HOXD3: variants seen among roughly 807,000 people sequenced by gnomAD.
The protein encoded by HOXD3 is homeobox protein Hox-D3.
HOXD3 carries 13 observed loss-of-function variants against 32.8 expected under a neutral mutation model. The observed-to-expected ratio is 0.40, with a 90% CI of 0.26 to 0.63. The LOEUF is 0.63. Among genes scored for constraint, HOXD3 ranks in the 20% least tolerant of loss-of-function variants. HOXD3 has a pLI of 0.44. For missense variants in HOXD3, 504 were observed against 577.1 expected (o/e 0.87, Z 1.30); for synonymous variants, 241 against 246.8 (o/e 0.98, Z 0.22).
upstream of HOXD3, chr2:176,153,134 G>A: frequency 2.7e-6 from 1 of 368,522 alleles, no homozygotes; most frequent in African/African-American, 2.1e-5. Flanking sequence ...ATGGGGATGG[G>A]AGGGGGGGCG....
At chr2:176,167,686 CTTTTTTTTTTTTT>C (rs56761217) in intron 2 of HOXD3, among the ~76,000 whole-genome samples, 5 of 108,896 alleles carry the variant, frequency 4.6e-5, no homozygotes, top group Non-Finnish European at 7.3e-5. Flanking sequence ...GGGGGAGACC[CTTTTTTTTTTTTT>C]TTTTTTTTTT....
chr2:176,166,574 C>T (rs1237215972), intron 2 of HOXD3, among the ~76,000 whole-genome samples: 1 of 152,218 alleles, frequency 6.6e-6, no homozygotes, highest in Non-Finnish European at 1.5e-5. Flanking sequence ...AGAATGAAGA[C>T]TTAGCTGTCC....
intron 1 of HOXD3, among the ~76,000 whole-genome samples, chr2:176,157,663 T>C (rs889136442): frequency 1.3e-5 from 2 of 152,102 alleles, no homozygotes; most frequent in African/African-American, 4.8e-5. Context: ...TGTGTGTGCG[T>C]GCGTCCGCGC....
intron 2 of HOXD3, among the ~76,000 whole-genome samples, chr2:176,167,871 G>A (rs1253703470): frequency 6.6e-6 from 1 of 152,060 alleles, no homozygotes; most frequent in Non-Finnish European, 1.5e-5. Flanking sequence ...TGGATGTTAG[G>A]AACAGTAGAC....
intron 1 of HOXD3, among the ~76,000 whole-genome samples, chr2:176,160,215 A>C (rs917601117): frequency 6.6e-6 from 1 of 151,742 alleles, no homozygotes; most frequent in African/African-American, 2.4e-5. Context: ...GCTGCGGAGT[A>C]CTCCGCGGGC....
chr2:176,159,461 A>G (rs900925855), intron 1 of HOXD3, among the ~76,000 whole-genome samples: 10 of 152,202 alleles, frequency 6.6e-5, no homozygotes, highest in African/African-American at 2.2e-4. Flanking sequence ...AGACCCTGCA[A>G]TCAGCAACAG....
chr2:176,168,273 A>AAAC (rs1553522191), intron 2 of HOXD3, among the ~76,000 whole-genome samples: 4 of 146,052 alleles, frequency 2.7e-5, no homozygotes, highest in African/African-American at 5.5e-5. Context: ...AAAAAAAAAA[A>AAAC]AAAAAAACTA....
chr2:176,161,868 A>G lies in HOXD3; in HGVS notation c.-180-2205A>G, dbSNP rs151261304. ...AATCATATATTGGTTCACGAATCCC[A>G]TCTCTCCTTTTGTTTACTTGCTCCC... On this transcript the variant is annotated intron_variant, in intron 1 of 3. Coordinates refer to ENST00000683222, the MANE Select transcript of HOXD3 (RefSeq NM_006898.5). Among the ~76,000 whole-genome samples, 10 of 152,308 alleles carry G rather than the reference A, an allele frequency of 6.6e-5. No homozygotes were observed. The East Asian group carries it at 1.9e-3, about 29-fold the overall frequency.
intron 1 of HOXD3, among the ~76,000 whole-genome samples, chr2:176,159,630 G>T (rs1014412542): frequency 6.6e-6 from 1 of 152,252 alleles, no homozygotes; most frequent in Admixed American, 6.5e-5. Context: ...TCCGCTGCTG[G>T]CGCTGGCACG....
chr2:176,163,855 C>T (rs925441525), intron 1 of HOXD3, among the ~76,000 whole-genome samples: 2 of 152,168 alleles, frequency 1.3e-5, no homozygotes, highest in East Asian at 1.9e-4. Context: ...CTCTCCCCTC[C>T]CCCATCCAGC....
chr2:176,162,863 AAAAT>A (rs1320594897), intron 1 of HOXD3, among the ~76,000 whole-genome samples: 2 of 152,186 alleles, frequency 1.3e-5, no homozygotes, highest in East Asian at 3.9e-4. Flanking sequence ...CTCTTTTTTA[AAAAT>A]AAATAAATAA....
At chr2:176,163,403 G>A (rs767169860) in intron 1 of HOXD3, among the ~76,000 whole-genome samples, 1 of 151,810 alleles carries the variant, frequency 6.6e-6, no homozygotes, top group Non-Finnish European at 1.5e-5. Flanking sequence ...GTGGCTTTGG[G>A]TGGGGGTGGA....
chr2:176,155,064 A>G (rs183916531), upstream of HOXD3, among the ~76,000 whole-genome samples: 15 of 151,994 alleles, frequency 9.9e-5, no homozygotes, highest in East Asian at 2.7e-3. Flanking sequence ...GACTCTAACT[A>G]CCCTTCTCTT....
At chr2:176,157,976 A>C (rs968386233) in intron 1 of HOXD3, among the ~76,000 whole-genome samples, 1 of 152,138 alleles carries the variant, frequency 6.6e-6, no homozygotes, top group African/African-American at 2.4e-5. Context: ...GAGGGTCGTA[A>C]ATTTTTCTTT....
upstream of HOXD3, chr2:176,152,950 G>A: frequency 6.2e-7 from 1 of 1,613,456 alleles, no homozygotes; most frequent in South Asian, 1.1e-5. The surrounding 1 kb of genome is among the most constrained non-coding windows in gnomAD (Gnocchi z 5.2). Flanking sequence ...TAGAAGTGGG[G>A]ACCCTGGGCC....
At position 176,171,997 on chromosome 2, in the gene HOXD3, G is replaced by A. The variant is rs1433894664; in HGVS notation, c.1022G>A (p.Ser341Asn). 5.6e-6 allele frequency: 9 copies of A among 1,608,000 alleles called. No homozygotes were observed. Among genetic ancestry groups the A allele is most frequent in the Non-Finnish European group, 7.6e-6 (9 of 1,178,988 alleles). Residue 341 changes from serine (S) to asparagine (N), a missense_variant, in exon 4 of 4, where the codon AGC (serine) becomes AAC (asparagine). Physicochemically the swap from Ser to Asn is conservative, Grantham distance 46 (BLOSUM62 1). Transcript: ENST00000683222. ...GAGTTCGAGCCCCATCCCATGGCGA[G>A]CAACGGCGGCGGCTTCGCCAGCGCC... ...APEFEPHPMA[S>N]NGGGFASANL...
At position 176,169,486 on chromosome 2, in the gene HOXD3, G is replaced by A. The variant is rs765563135; in HGVS notation, c.372G>A (p.Pro124=). Residue 124 remains proline (P), a synonymous_variant, in exon 3 of 4, where the codon CCG becomes CCA. Transcript: ENST00000683222. ...QQPPQPPPPP[P]TLPPSSPTNP... is the part of the protein sequence containing the mutation. ...CACCACAACCCCCTCCTCCACCACCGACCCTGCCCCCATCTTCACCCACCA... is the reference window on the plus strand; with the variant it reads ...CACCACAACCCCCTCCTCCACCACCAACCCTGCCCCCATCTTCACCCACCA... 2.6e-5 allele frequency: 42 copies of A among 1,613,544 alleles called. No homozygotes were observed. Among genetic ancestry groups the A allele is most frequent in the African/African-American group, 1.2e-4 (9 of 74,868 alleles).
rs140398397 is a variant in HOXD3 at position 176,168,824 on chromosome 2, T to C, written c.-84-207T>C. Among the ~76,000 whole-genome samples the C allele has an allele frequency of 7.7e-3, 1,148 of 149,988 alleles. 20 individuals carry two copies. Among genetic ancestry groups the C allele is most frequent in the African/African-American group, 0.027 (1,093 of 40,770 alleles). ...AGTAAATTGAGGCTGCAGTGAGCCA[T>C]GTTCATGCCACTGCACTCCAGCCTG... On this transcript the variant is annotated intron_variant, in intron 2 of 3. Coordinates refer to ENST00000683222, the MANE Select transcript of HOXD3 (RefSeq NM_006898.5).
At chr2:176,156,434 G>A (rs749930258), upstream of HOXD3, among the ~76,000 whole-genome samples, 5 of 152,144 alleles carry the variant, frequency 3.3e-5, no homozygotes, top group Admixed American at 6.5e-5. Context: ...AGACCTTTTT[G>A]GTCTGGAAGC....
Sources: gnomAD v4.1 joint callset for allele counts (sites outside exome capture counted in the v4.1 genomes callset) on GRCh38, gnomAD v4.1.1 for gene constraint, Gnocchi (gnomAD v3.1) non-coding constraint, MANE v1.5 for transcripts, NCBI Gene and HGNC (gene_info 2026-07-23, HGNC 2026-07-21) for gene names.